The following SLC39A11 variants were observed in gnomAD, a reference collection of about 807,000 sequenced individuals.
The protein encoded by SLC39A11 is solute carrier family 39 member 11.
In SLC39A11, 33 loss-of-function variants were observed where a neutral mutation model predicts 36.1. The observed-to-expected ratio is 0.91, with a 90% CI of 0.69 to 1.22. The LOEUF (loss-of-function observed/expected upper bound fraction) is 1.22. Ranked by LOEUF, SLC39A11 falls within the 50% of genes most tolerant of loss-of-function variation. The pLI is 0.00. For missense variants in SLC39A11, 432 were observed against 430.3 expected (o/e 1.00, Z -0.03); for synonymous variants, 166 against 170.3 (o/e 0.97, Z 0.20).
intron 5 of SLC39A11, among the ~76,000 whole-genome samples, chr17:72,877,430 C>G (rs1192023507): frequency 6.6e-6 from 1 of 152,180 alleles, no homozygotes; most frequent in East Asian, 1.9e-4. Context: ...GAACCTCAAA[C>G]ACAATTTTTT....
chr17:72,696,262 C>T (rs1394807006), intron 7 of SLC39A11, among the ~76,000 whole-genome samples: 2 of 152,032 alleles, frequency 1.3e-5, no homozygotes, highest in African/African-American at 2.4e-5. Context: ...TGAGTCCCCA[C>T]CTGGCTCCTT....
chr17:72,714,722 C>G (rs1282017083), intron 7 of SLC39A11, among the ~76,000 whole-genome samples: 1 of 152,134 alleles, frequency 6.6e-6, no homozygotes, highest in African/African-American at 2.4e-5. Context: ...CAGAGAACAC[C>G]ACCTTTTTGT....
At chr17:72,934,819 T>C (rs1309463859) in intron 5 of SLC39A11, among the ~76,000 whole-genome samples, 1 of 152,158 alleles carries the variant, frequency 6.6e-6, no homozygotes, top group African/African-American at 2.4e-5. Flanking sequence ...CAAATGAAAG[T>C]CACCAGAGAC....
At chr17:72,659,574 C>CTTT (rs34383683) in intron 7 of SLC39A11, among the ~76,000 whole-genome samples, 2,579 of 61,148 alleles carry the variant, frequency 0.042, 125 homozygotes, top group Non-Finnish European at 0.049. Context: ...CTCTGTGACT[C>CTTT]TTTTTTTTTT....
chr17:72,749,978 G>C (rs1156752443), intron 6 of SLC39A11, among the ~76,000 whole-genome samples: 2 of 152,118 alleles, frequency 1.3e-5, no homozygotes, highest in African/African-American at 4.8e-5. Context: ...AGAGACACAG[G>C]CTCCATTGGC....
intron 7 of SLC39A11, among the ~76,000 whole-genome samples, chr17:72,665,410 T>TTTTTTTTTTTTTTTTTA (rs2070706791): frequency 1.4e-5 from 2 of 146,292 alleles, no homozygotes; most frequent in Non-Finnish European, 3.0e-5. Context: ...TTTTTTTTTT[T>TTTTTTTTTTTTTTTTTA]GAGACAGGGT....
chr17:72,892,006 C>T (rs960180405), intron 5 of SLC39A11, among the ~76,000 whole-genome samples: 2 of 151,244 alleles, frequency 1.3e-5, no homozygotes, highest in African/African-American at 4.9e-5. Flanking sequence ...TGAATGAATA[C>T]TATGAAGAGC....
chr17:72,826,118 G>A (rs2078018790), intron 6 of SLC39A11, among the ~76,000 whole-genome samples: 1 of 152,208 alleles, frequency 6.6e-6, no homozygotes, highest in Admixed American at 6.5e-5. Flanking sequence ...AATCCCCAGT[G>A]TTGGAGGAAA....
chr17:72,867,770 ACACACACACACACACACACG>A (rs1567852699), intron 5 of SLC39A11, among the ~76,000 whole-genome samples: 1 of 151,890 alleles, frequency 6.6e-6, no homozygotes, highest in African/African-American at 2.4e-5. Flanking sequence ...GCACACACAC[ACACACACACACACACACACG>A]CACACACACC....
intron 5 of SLC39A11, among the ~76,000 whole-genome samples, chr17:72,899,498 C>A (rs2082208463): frequency 6.6e-6 from 1 of 152,130 alleles, no homozygotes; most frequent in Non-Finnish European, 1.5e-5. Flanking sequence ...GACTTGATGG[C>A]CTGTCTCATT....
chr17:72,646,840 G>T lies in SLC39A11; in HGVS notation c.*744C>A, dbSNP rs2069583021. The T allele has an allele frequency of 6.6e-6, 1 of 152,190 alleles. No individual in the cohort carries two copies. The allele number at this position is 152,190 out of a possible 1,614,324, so 9.4% of individuals were successfully genotyped here. A position where few individuals can be genotyped will look rare whatever the true frequency, so the allele number is the denominator to read the frequency against. On this transcript the variant is annotated 3_prime_UTR_variant, in exon 10 of 10. Coordinates refer to ENST00000255559, the MANE Select transcript of SLC39A11 (RefSeq NM_139177.4). ...GCTCCTGGAATCCATTGACAGCAGA[G>T]GCCTCCGAACAAACCCACACTCTGT...
chr17:72,672,070 C>G (rs774811110), intron 7 of SLC39A11, among the ~76,000 whole-genome samples: 176 of 151,348 alleles, frequency 1.2e-3, no homozygotes, highest in Non-Finnish European at 2.3e-3. Flanking sequence ...CAGATGGTAA[C>G]TATGTGAGTT....
At chr17:72,648,562 G>C (rs4567769) in intron 9 of SLC39A11, among the ~76,000 whole-genome samples, 20,540 of 151,996 alleles carry the variant, frequency 0.14, 1,719 homozygotes, top group Non-Finnish European at 0.19. Context: ...ATCAAGGGAC[G>C]GGGGGCAGGT....
At position 72,849,673 on chromosome 17, in the gene SLC39A11, C is replaced by G; in HGVS notation, c.562G>C (p.Ala188Pro). The change falls in exon 6 of 10, where the codon GCA becomes CCA. Residue 188 changes from alanine to proline, a missense_variant. By Grantham distance (27) the Ala-to-Pro change is conservative. Transcript: ENST00000255559. ...ATAGTGATGGCCAAGATGAGCAGTG[C>G]GATCCTCCTCCAGCTGCTGCCGCCG... is the stretch of plus-strand genomic sequence containing the variant. Reference protein sequence around the residue: ...QPGGSSWRRIALLILAITIHN... With the variant: ...QPGGSSWRRIPLLILAITIHN... The G allele has an allele frequency of 6.2e-7, 1 of 1,603,096 alleles. No individual in the cohort carries two copies. The highest frequency in any genetic ancestry group is 8.5e-7 in the Non-Finnish European group (1 of 1,175,504).
intron 6 of SLC39A11, among the ~76,000 whole-genome samples, chr17:72,789,304 C>T (rs1398578248): frequency 1.3e-5 from 2 of 152,180 alleles, no homozygotes; most frequent in Non-Finnish European, 2.9e-5. Flanking sequence ...AAGGCTTTGA[C>T]TGCAGTGTAA....
chr17:73,090,347 G>A (rs942480133), intron 1 of SLC39A11, among the ~76,000 whole-genome samples: 3 of 151,990 alleles, frequency 2.0e-5, no homozygotes, highest in Admixed American at 6.6e-5. Context: ...TCTAGTTCCC[G>A]CACTCTAAAC....
chr17:72,795,703 C>T (rs1318580861), intron 6 of SLC39A11, among the ~76,000 whole-genome samples: 1 of 152,140 alleles, frequency 6.6e-6, no homozygotes, highest in Non-Finnish European at 1.5e-5. Context: ...GTTCAAAATT[C>T]CCTGTGAGGT....
intron 3 of SLC39A11, among the ~76,000 whole-genome samples, chr17:73,036,933 C>A (rs2058938621): frequency 6.6e-6 from 1 of 152,246 alleles, no homozygotes; most frequent in African/African-American, 2.4e-5. Flanking sequence ...TTCACTGTCT[C>A]TATAGTTTTG....
intron 5 of SLC39A11, among the ~76,000 whole-genome samples, chr17:72,899,981 AGAAAGAAAGAGAGAGAGAG>A (rs1226036181): frequency 1.2e-4 from 18 of 145,594 alleles, no homozygotes; most frequent in African/African-American, 3.9e-4. Context: ...AGAGAGAGAG[AGAAAGAAAGAGAGAGAGAG>A]AGAAAGAGAG....
Sources: allele counts gnomAD v4.1 joint callset (sites outside exome capture counted in the v4.1 genomes callset), GRCh38; gene constraint gnomAD v4.1.1; transcripts MANE v1.5; gene names NCBI Gene and HGNC (gene_info 2026-07-23, HGNC 2026-07-21).